Variants in PLCXD3 observed in about 807,000 individuals in gnomAD.
PLCXD3 encodes phosphatidylinositol specific phospholipase C X domain containing 3.
A neutral mutation model predicts 25.5 loss-of-function variants in PLCXD3; 19 were observed. The ratio of observed to expected loss-of-function variants is 0.75; its 90% CI spans 0.52 to 1.09. The LOEUF (loss-of-function observed/expected upper bound fraction) is 1.09. PLCXD3 is among the 50% of genes least tolerant of loss of function. PLCXD3 has a pLI of 0.00. For synonymous variants in PLCXD3, 174 were observed against 137.6 expected (o/e 1.26, Z -1.85); for missense variants, 411 against 388.1 (o/e 1.06, Z -0.50).
At chr5:41,501,657 T>C (rs1333803540) in intron 1 of PLCXD3, among the ~76,000 whole-genome samples, 2 of 152,118 alleles carry the variant, frequency 1.3e-5, no homozygotes, top group Non-Finnish European at 2.9e-5. Context: ...TATTATATAC[T>C]TAAAATTTTA....
intron 1 of PLCXD3, among the ~76,000 whole-genome samples, chr5:41,434,811 G>T (rs988216678): frequency 6.6e-6 from 1 of 152,018 alleles, no homozygotes; most frequent in South Asian, 2.1e-4. Context: ...GGGGTGGGAG[G>T]GATTGTTTTC....
At chr5:41,427,595 T>G (rs532020228) in intron 1 of PLCXD3, among the ~76,000 whole-genome samples, 1 of 152,178 alleles carries the variant, frequency 6.6e-6, no homozygotes, top group Non-Finnish European at 1.5e-5. Flanking sequence ...TCCAGCAGAC[T>G]TATCAGTCTG....
chr5:41,496,245 C>T (rs1002014219), intron 1 of PLCXD3, among the ~76,000 whole-genome samples: 4 of 151,830 alleles, frequency 2.6e-5, no homozygotes, highest in Admixed American at 1.3e-4. Context: ...GACCAATATA[C>T]ACATTATGAA....
intron 2 of PLCXD3, among the ~76,000 whole-genome samples, chr5:41,341,974 T>C (rs573611207): frequency 6.6e-6 from 1 of 152,288 alleles, no homozygotes; most frequent in African/African-American, 2.4e-5. Context: ...GAAGGCTTTG[T>C]TCCAATAGTT....
intron 1 of PLCXD3, among the ~76,000 whole-genome samples, chr5:41,464,680 T>C (rs1747970982): frequency 6.6e-6 from 1 of 152,106 alleles, no homozygotes; most frequent in Admixed American, 6.6e-5. Context: ...TAGAGGTGTT[T>C]CTAATCTGAA....
At chr5:41,383,857 A>T (rs1745557127) in intron 1 of PLCXD3, among the ~76,000 whole-genome samples, 1 of 151,504 alleles carries the variant, frequency 6.6e-6, no homozygotes, top group African/African-American at 2.4e-5. Flanking sequence ...TATTTGAAGC[A>T]TTTTTTTCAG....
Position 41,372,298 on chromosome 5 carries a change from T to TCTCA in PLCXD3, c.812+9527_812+9528insTGAG, listed in dbSNP as rs1554045727. Among the ~76,000 whole-genome samples, 4 of 110,710 alleles carry TCTCA rather than the reference T, an allele frequency of 3.6e-5. No individual in the cohort carries two copies. In the East Asian group the frequency reaches 1.0e-3, roughly 28 times the overall value. 72.6% of individuals were successfully genotyped at this position (110,710 alleles called of 152,430 possible). On this transcript the variant is annotated intron_variant, in intron 2 of 2. Transcript: ENST00000377801. ...TTCATTCTCTCTCTCTCTCTCTCTC[T>TCTCA]CACACACACACACACACACACACAC... is the stretch of plus-strand genomic sequence containing the variant.
At chr5:41,402,174 T>C (rs1393968512) in intron 1 of PLCXD3, among the ~76,000 whole-genome samples, 3 of 151,884 alleles carry the variant, frequency 2.0e-5, no homozygotes, top group Non-Finnish European at 4.4e-5. Flanking sequence ...AGGCTGAAAT[T>C]TAGATCACTA....
intron 2 of PLCXD3, among the ~76,000 whole-genome samples, chr5:41,354,138 G>A (rs1352010024): frequency 6.6e-6 from 1 of 152,018 alleles, no homozygotes; most frequent in Non-Finnish European, 1.5e-5. Context: ...ATCCTTTATG[G>A]ATTCTAATTA....
chr5:41,493,924 G>A (rs1054880590), intron 1 of PLCXD3, among the ~76,000 whole-genome samples: 1 of 152,090 alleles, frequency 6.6e-6, no homozygotes, highest in Non-Finnish European at 1.5e-5. Context: ...TTCGGCTCGC[G>A]CACAGTGCGC....
At chr5:41,407,040 C>G (rs1580356355) in intron 1 of PLCXD3, among the ~76,000 whole-genome samples, 1 of 152,258 alleles carries the variant, frequency 6.6e-6, no homozygotes, top group African/African-American at 2.4e-5. Context: ...GCCTGCCTGC[C>G]AGTATTTTTT....
chr5:41,328,246 C>G (rs1447530711), intron 2 of PLCXD3, among the ~76,000 whole-genome samples: 1 of 152,102 alleles, frequency 6.6e-6, no homozygotes, highest in Admixed American at 6.6e-5. Flanking sequence ...GTGCTTGTCT[C>G]TCTGTAGTGG....
At chr5:41,397,574 C>T (rs1389110295) in intron 1 of PLCXD3, among the ~76,000 whole-genome samples, 2 of 152,200 alleles carry the variant, frequency 1.3e-5, no homozygotes, top group Non-Finnish European at 2.9e-5. Context: ...GGAGCCACGA[C>T]ACAGAGTCCC....
intron 2 of PLCXD3, among the ~76,000 whole-genome samples, chr5:41,326,363 A>C (rs1362624897): frequency 6.6e-6 from 1 of 152,098 alleles, no homozygotes; most frequent in Non-Finnish European, 1.5e-5. Context: ...TTCTCAAATT[A>C]ATTTGAGCAT....
At chr5:41,429,076 A>G (rs755284787) in intron 1 of PLCXD3, among the ~76,000 whole-genome samples, 2 of 152,162 alleles carry the variant, frequency 1.3e-5, no homozygotes, top group Non-Finnish European at 2.9e-5. Context: ...TGTATCCAAG[A>G]AGCCAAACTT....
chr5:41,496,643 A>AAT (rs57829603), intron 1 of PLCXD3, among the ~76,000 whole-genome samples: 1 of 150,462 alleles, frequency 6.6e-6, no homozygotes, highest in Non-Finnish European at 1.5e-5. Context: ...AAAAAAAAAA[A>AAT]GCCTAGAAAG....
intron 2 of PLCXD3, among the ~76,000 whole-genome samples, chr5:41,362,017 C>A (rs1744795360): frequency 6.6e-6 from 1 of 152,098 alleles, no homozygotes; most frequent in African/African-American, 2.4e-5. Flanking sequence ...AGAGAGATAA[C>A]CTGAAATTTG....
chr5:41,421,334 A>G (rs1746817361), intron 1 of PLCXD3, among the ~76,000 whole-genome samples: 1 of 152,194 alleles, frequency 6.6e-6, no homozygotes, highest in Non-Finnish European at 1.5e-5. Flanking sequence ...GAGGGTAGGT[A>G]GGGTCCATGA....
intron 2 of PLCXD3, among the ~76,000 whole-genome samples, chr5:41,337,525 G>C (rs1200933610): frequency 4.6e-5 from 7 of 152,102 alleles, no homozygotes; most frequent in Non-Finnish European, 1.0e-4. Context: ...GTTTGATTTT[G>C]TTTTTTAAAA....
Sources: gnomAD v4.1 joint callset for allele counts (sites outside exome capture counted in the v4.1 genomes callset) on GRCh38, gnomAD v4.1.1 for gene constraint, MANE v1.5 for transcripts, NCBI Gene and HGNC (gene_info 2026-07-23, HGNC 2026-07-21) for gene names.